VRK2: variants seen among roughly 807,000 people sequenced by gnomAD.
The protein encoded by VRK2 is VRK serine/threonine kinase 2, also known as serine/threonine-protein kinase VRK2.
A neutral mutation model predicts 57.6 loss-of-function variants in VRK2; 60 were observed. That is an observed-to-expected ratio of 1.04 (90% CI 0.85 to 1.29). The LOEUF (loss-of-function observed/expected upper bound fraction) is 1.29. Among genes scored for constraint, VRK2 ranks in the 50% most tolerant of loss-of-function variants. The pLI is 0.00. For missense variants in VRK2, 705 were observed against 588.1 expected (o/e 1.20, Z -2.06); for synonymous variants, 231 against 199.2 (o/e 1.16, Z -1.35).
intron 1 of VRK2, among the ~76,000 whole-genome samples, chr2:57,922,692 C>G (rs1670392773): frequency 6.6e-6 from 1 of 151,760 alleles, no homozygotes; most frequent in African/African-American, 2.4e-5. Flanking sequence ...ATAATAACAT[C>G]AGGGTAAATG....
chr2:58,073,411 C>T (rs1669619437), intron 2 of VRK2, among the ~76,000 whole-genome samples: 1 of 151,904 alleles, frequency 6.6e-6, no homozygotes, highest in African/African-American at 2.4e-5. Flanking sequence ...GTGTTTAAGT[C>T]TCCGGCTATA....
At chr2:57,976,006 A>G (rs1012304278) in intron 1 of VRK2, among the ~76,000 whole-genome samples, 2 of 151,972 alleles carry the variant, frequency 1.3e-5, no homozygotes, top group African/African-American at 4.8e-5. Context: ...TATAAGTGAG[A>G]GCATGTGGTA....
intron 1 of VRK2, among the ~76,000 whole-genome samples, chr2:57,982,359 CAT>C: frequency 1.3e-5 from 2 of 152,318 alleles, no homozygotes; most frequent in Middle Eastern, 6.8e-3. Context: ...CATGCACACA[CAT>C]GTGCACCGGC....
At chr2:58,150,807 A>G (rs1682909109) in intron 12 of VRK2, among the ~76,000 whole-genome samples, 1 of 151,114 alleles carries the variant, frequency 6.6e-6, no homozygotes, top group Non-Finnish European at 1.5e-5. Context: ...TGTCTATTTC[A>G]CAAATTTTGA....
chr2:57,943,711 T>C (rs1359524831), intron 1 of VRK2, among the ~76,000 whole-genome samples: 1 of 152,206 alleles, frequency 6.6e-6, no homozygotes, highest in Non-Finnish European at 1.5e-5. Context: ...AGCAGACTTT[T>C]TTCCTTTTTC....
intron 2 of VRK2, among the ~76,000 whole-genome samples, chr2:58,026,440 C>G (rs1277982561): frequency 6.6e-6 from 1 of 152,062 alleles, no homozygotes; most frequent in African/African-American, 2.4e-5. Context: ...CTCCTGACAA[C>G]TACATATACA....
intron 12 of VRK2, chr2:58,147,322 A>G: frequency 2.7e-6 from 1 of 377,286 alleles, no homozygotes; most frequent in Non-Finnish European, 5.4e-6. Context: ...TTTAGTACTA[A>G]TAGCAATCTT....
intron 1 of VRK2, among the ~76,000 whole-genome samples, chr2:57,937,093 G>A (rs886199567): frequency 1.3e-5 from 2 of 152,318 alleles, no homozygotes; most frequent in East Asian, 1.9e-4. Context: ...CTTCAACATA[G>A]CATAGGTAAA....
At chr2:58,063,621 A>G (rs2103917789) in intron 2 of VRK2, among the ~76,000 whole-genome samples, 1 of 152,242 alleles carries the variant, frequency 6.6e-6, no homozygotes, top group South Asian at 2.1e-4. Flanking sequence ...TAGTTACCCA[A>G]GAGCTCTGAT....
chr2:58,095,340 T>C (rs2165104), intron 7 of VRK2, among the ~76,000 whole-genome samples: 6,559 of 151,790 alleles, frequency 0.043, 487 homozygotes, highest in African/African-American at 0.15. Context: ...ATTGAAATTA[T>C]GTTAAGTTTT....
In VRK2 at chr2:58,129,451, T is replaced by G. The variant is rs146624813; in HGVS notation, c.677-2357T>G. 3.1e-3 allele frequency among the ~76,000 whole-genome samples: 476 copies of G among 152,302 alleles called. 3 individuals carry two copies. The highest frequency in any genetic ancestry group is 9.8e-3 in the African/African-American group (408 of 41,566). ...ATTCCTAGTCCAGAGCTCTATTTAC[T>G]GCTTCACTTAATATGTTTTAAAATG... On this transcript the variant is annotated intron_variant, in intron 8 of 12. Transcript: ENST00000340157.
At chr2:58,113,458 C>T (rs1216524129) in intron 7 of VRK2, among the ~76,000 whole-genome samples, 1 of 152,088 alleles carries the variant, frequency 6.6e-6, no homozygotes, top group Non-Finnish European at 1.5e-5. Context: ...GTGAAGAGAC[C>T]ACCAAACAGG....
At chr2:57,909,977 G>GA (rs1669936584) in intron 1 of VRK2, among the ~76,000 whole-genome samples, 1 of 151,856 alleles carries the variant, frequency 6.6e-6, no homozygotes. Context: ...GGAATAAGAA[G>GA]AAAAATGTTT....
chr2:57,962,796 T>C (rs1175009853), intron 1 of VRK2, among the ~76,000 whole-genome samples: 1 of 152,244 alleles, frequency 6.6e-6, no homozygotes, highest in African/African-American at 2.4e-5. Flanking sequence ...CATTTTACTG[T>C]CATCCTTTTC....
chr2:58,159,179 A>C, intron 12 of VRK2, 170 bp from the exon 13 acceptor site: 1 of 531,846 alleles, frequency 1.9e-6, no homozygotes, highest in Non-Finnish European at 3.2e-6. Context: ...AAACTCTTAA[A>C]AAGTGTAAAT....
At chr2:58,145,141 C>T (rs747671616) in intron 11 of VRK2, among the ~76,000 whole-genome samples, 5 of 152,016 alleles carry the variant, frequency 3.3e-5, no homozygotes, top group African/African-American at 4.8e-5. Flanking sequence ...TAAGGACCTT[C>T]GCTGTAGCTT....
intron 8 of VRK2, among the ~76,000 whole-genome samples, chr2:58,130,225 A>G (rs1255620259): frequency 6.6e-6 from 1 of 152,154 alleles, no homozygotes; most frequent in Non-Finnish European, 1.5e-5. Flanking sequence ...GTGCCAGAAT[A>G]TCATTTTTTG....
chr2:58,100,621 A>G (rs1029390739), intron 7 of VRK2, among the ~76,000 whole-genome samples: 3 of 150,788 alleles, frequency 2.0e-5, no homozygotes, highest in African/African-American at 4.9e-5. Context: ...TTAATATTTT[A>G]TGAGTTTTAC....
chr2:58,123,135 A>G lies in VRK2; in HGVS notation c.578A>G (p.Tyr193Cys). The G allele has an allele frequency of 6.2e-7, 1 of 1,600,638 alleles. No homozygotes were observed. Among genetic ancestry groups the G allele is most frequent in the Non-Finnish European group, 8.5e-7 (1 of 1,176,240 alleles). The part of the protein sequence containing the change: ...YLADYGLSYR[Y>C]CPNGNHKQYQ... ...GCAGATTATGGACTTTCCTACAGAT[A>G]TTGTCCCAATGGGAACCACAAACAG... The change falls in exon 8 of 13, where the codon TAT (tyrosine) becomes TGT (cysteine). Residue 193 changes from tyrosine to cysteine, a missense_variant. Tyr to Cys is a radical substitution (Grantham distance 194). Transcript: ENST00000340157.
Sources: gnomAD v4.1 joint callset for allele counts (sites outside exome capture counted in the v4.1 genomes callset) on GRCh38, gnomAD v4.1.1 for gene constraint, MANE v1.5 for transcripts, NCBI Gene and HGNC (gene_info 2026-07-23, HGNC 2026-07-21) for gene names.